The following FBN2 variants were observed in gnomAD, a reference collection of about 807,000 sequenced individuals.
The protein encoded by FBN2 is fibrillin 2, also known as fibrillin-2.
In FBN2, 105 loss-of-function variants were observed where a neutral mutation model predicts 355.6. That is an observed-to-expected ratio of 0.30 (90% CI 0.25 to 0.35). The LOEUF (loss-of-function observed/expected upper bound fraction) is 0.35. FBN2 is among the 10% of genes least tolerant of loss of function. The pLI, the probability that FBN2 is intolerant of heterozygous loss-of-function variation, is 1.00. For synonymous variants in FBN2, 1,350 were observed against 1,301.2 expected (o/e 1.04, Z -0.81); for missense variants, 3,280 against 3,758.7 (o/e 0.87, Z 3.33).
At chr5:128,280,528 T>C (rs958647219) in intron 55 of FBN2, among the ~76,000 whole-genome samples, 3 of 152,232 alleles carry the variant, frequency 2.0e-5, no homozygotes, top group Non-Finnish European at 2.9e-5. Flanking sequence ...TGTCTTCTTC[T>C]TTCTTTTCTT....
chr5:128,292,815 A>G (rs1446838905), intron 48 of FBN2, among the ~76,000 whole-genome samples: 1 of 152,066 alleles, frequency 6.6e-6, no homozygotes, highest in East Asian at 1.9e-4. Flanking sequence ...ACAATCATCA[A>G]TCCTCTGTGA....
intron 48 of FBN2, among the ~76,000 whole-genome samples, chr5:128,299,439 T>TGCCGCC: frequency 1.8e-5 from 1 of 56,054 alleles, no homozygotes; most frequent in South Asian, 8.6e-4. Flanking sequence ...AGCCTCACAG[T>TGCCGCC]TTGATCTCAG....
rs1753992657 is a variant in FBN2, at chr5:128,443,969, A to T, written c.952+2512T>A. ...GACTACAATTCAAAACCTGTCACTAAGTGTAGCAACTGTTTATAGTTTTTC... is the reference window on the plus strand; with the variant it reads ...GACTACAATTCAAAACCTGTCACTATGTGTAGCAACTGTTTATAGTTTTTC... On this transcript the variant is annotated intron_variant, in intron 7 of 64. Transcript: ENST00000262464. Among the ~76,000 whole-genome samples the T allele has an allele frequency of 1.3e-5, 2 of 151,772 alleles. 1 individual carries two copies. The highest frequency in any genetic ancestry group is 2.9e-5 in the Non-Finnish European group (2 of 67,960).
At chr5:128,516,578 T>C (rs1756287025) in intron 5 of FBN2, among the ~76,000 whole-genome samples, 1 of 152,228 alleles carries the variant, frequency 6.6e-6, no homozygotes. Context: ...AGCCATGTTT[T>C]ATCATATGAC....
intron 7 of FBN2, among the ~76,000 whole-genome samples, chr5:128,423,345 G>A (rs1753401639): frequency 6.6e-6 from 1 of 152,140 alleles, no homozygotes; most frequent in Non-Finnish European, 1.5e-5. Flanking sequence ...TGGCTGGGGA[G>A]GCCTCCCAAT....
rs540474163 is a variant in FBN2 at position 128,535,962 on chromosome 5, G to T, written c.337+440C>A. Among the ~76,000 whole-genome samples the T allele has an allele frequency of 1.8e-4, 27 of 152,194 alleles. No individual in the cohort carries two copies. In the East Asian group the frequency reaches 5.2e-3, roughly 29 times the overall value. On this transcript the variant is annotated intron_variant, in intron 2 of 64. Coordinates refer to ENST00000262464, the MANE Select transcript of FBN2 (RefSeq NM_001999.4). ...ATATAAAACCAGAAATAAGAAAGTG[G>T]TTTTATATAAATGCCTAAGAAATCT...
chr5:128,367,987 G>A (rs1049533714), intron 16 of FBN2, among the ~76,000 whole-genome samples: 1 of 151,802 alleles, frequency 6.6e-6, no homozygotes, highest in Non-Finnish European at 1.5e-5. Context: ...TTCCTTTACA[G>A]GAATGCTTTC....
intron 52 of FBN2, 114 bp from the exon 53 acceptor site, chr5:128,288,671 T>C: frequency 8.3e-7 from 1 of 1,211,524 alleles, no homozygotes; most frequent in East Asian, 2.4e-5. Context: ...AGGGCACATG[T>C]AACCCTGGCA....
chr5:128,320,104 G>A (rs1750328470), intron 34 of FBN2, among the ~76,000 whole-genome samples: 1 of 151,966 alleles, frequency 6.6e-6, no homozygotes, highest in African/African-American at 2.4e-5. Flanking sequence ...TTGTGTTGGG[G>A]GTAAGAAAGT....
At chr5:128,278,363 T>G (rs1024526031) in intron 57 of FBN2, among the ~76,000 whole-genome samples, 3 of 152,230 alleles carry the variant, frequency 2.0e-5, no homozygotes, top group African/African-American at 7.2e-5. Flanking sequence ...CTTAGCTTTG[T>G]GCTTCATTTT....
At position 128,259,495 on chromosome 5, in the gene FBN2, C is replaced by T; in HGVS notation, c.8699G>A (p.Gly2900Glu). The change falls in exon 65 of 65, where the codon GGG (glycine) becomes GAG (glutamate). Residue 2900 changes from glycine (G) to glutamate (E), a missense_variant. This residue lies in a region of FBN2 where 311 missense variants were observed against 319.1 expected (regional missense o/e 0.97). Coordinates refer to ENST00000262464, the MANE Select transcript of FBN2 (RefSeq NM_001999.4). Reference sequence around the variant, plus strand: ...CTGCAGCCTCATTCTGAGAGCCTCCCCAAGCTCCCCTAGGAGGTAGTCATC... The same window carrying T: ...CTGCAGCCTCATTCTGAGAGCCTCCTCAAGCTCCCCTAGGAGGTAGTCATC... ...NEDDYLLGEL[G>E]EALRMRLQIQ... 6.2e-7 allele frequency: 1 copy of T among 1,613,528 alleles called. No individual in the cohort carries two copies. The highest frequency in any genetic ancestry group is 8.5e-7 in the Non-Finnish European group (1 of 1,179,886).
intron 62 of FBN2, among the ~76,000 whole-genome samples, chr5:128,268,097 G>A (rs920049094): frequency 7.9e-5 from 12 of 152,110 alleles, no homozygotes; most frequent in African/African-American, 1.9e-4. Context: ...CCAGGAGCTG[G>A]CTTTTTGAAA....
Position 128,393,180 on chromosome 5 carries a change from C to T in FBN2, c.1420G>A (p.Ala474Thr). The change falls in exon 10 of 65, where the codon GCC becomes ACC. Residue 474 changes from alanine (A) to threonine (T), a missense_variant. Physicochemically the swap from Ala to Thr is moderately conservative, Grantham distance 58. Coordinates refer to ENST00000262464, the MANE Select transcript of FBN2 (RefSeq NM_001999.4). ...CCCTGTCCCCCGGCCCCCACACCGGCTCCCCCAACGCCAGGAGAAAAGCCA... is the reference window on the plus strand; with the variant it reads ...CCCTGTCCCCCGGCCCCCACACCGGTTCCCCCAACGCCAGGAGAAAAGCCA... ...GNGFSPGVGG[A>T]GVGAGGQGPI... 4 of 1,614,176 alleles carry T rather than the reference C, an allele frequency of 2.5e-6. No individual in the cohort carries two copies. Among genetic ancestry groups the T allele is most frequent in the African/African-American group, 1.3e-5 (1 of 75,026 alleles).
At chr5:128,528,198 T>TA (rs998617789) in intron 3 of FBN2, among the ~76,000 whole-genome samples, 22 of 151,212 alleles carry the variant, frequency 1.5e-4, no homozygotes, top group African/African-American at 3.4e-4. Context: ...CTTCCAATGT[T>TA]AAAAAAAAAT....
At chr5:128,314,707 C>G (rs1750154232) in intron 36 of FBN2, among the ~76,000 whole-genome samples, 1 of 152,128 alleles carries the variant, frequency 6.6e-6, no homozygotes. Context: ...CATTCCTATT[C>G]TCCTTCCCTA....
At chr5:128,453,605 A>G (rs1231950357) in intron 6 of FBN2, among the ~76,000 whole-genome samples, 2 of 152,186 alleles carry the variant, frequency 1.3e-5, no homozygotes, top group Non-Finnish European at 2.9e-5. Flanking sequence ...AAGCATGTTC[A>G]TACCCGCCTT....
At chr5:128,332,890 A>T in intron 32 of FBN2, 22 bp downstream of exon 32, 1 of 1,613,122 alleles carries the variant, frequency 6.2e-7, no homozygotes, top group Non-Finnish European at 8.5e-7. Context: ...TTAGCAAAGG[A>T]TATTTACATT....
chr5:128,459,730 A>G (rs1754505395), intron 6 of FBN2, among the ~76,000 whole-genome samples: 1 of 152,278 alleles, frequency 6.6e-6, no homozygotes, highest in Non-Finnish European at 1.5e-5. Context: ...TTATCTCAAT[A>G]GATGCAGAAA....
chr5:128,276,469 C>T (rs1275653282), intron 58 of FBN2, among the ~76,000 whole-genome samples: 1 of 152,154 alleles, frequency 6.6e-6, no homozygotes, highest in Admixed American at 6.5e-5. Context: ...ATAAGAGTTT[C>T]TCTGTTTTTG....
Sources: gnomAD v4.1 joint callset for allele counts (sites outside exome capture counted in the v4.1 genomes callset) on GRCh38, gnomAD v4.1.1 for gene constraint, gnomAD v4.1.1 regional missense constraint, MANE v1.5 for transcripts, NCBI Gene and HGNC (gene_info 2026-07-23, HGNC 2026-07-21) for gene names.